FH: variants seen among roughly 807,000 people sequenced by gnomAD.
FH encodes the protein fumarate hydratase, mitochondrial.
FH carries 22 observed loss-of-function variants against 49.4 expected under a neutral mutation model. That is an observed-to-expected ratio of 0.45 (90% CI 0.32 to 0.64). The LOEUF is 0.64. Among genes scored for constraint, FH ranks in the 30% least tolerant of loss-of-function variants. The pLI is 0.05. For synonymous variants in FH, 208 were observed against 223.0 expected (o/e 0.93, Z 0.60); for missense variants, 526 against 641.5 (o/e 0.82, Z 1.95).
chr1:241,509,286 C>T (rs12062672), intron 4 of FH, among the ~76,000 whole-genome samples: 1 of 151,948 alleles, frequency 6.6e-6, no homozygotes, highest in Admixed American at 6.6e-5. Context: ...ACAGTGCATA[C>T]AGTCTTTCAT....
At chr1:241,510,822 A>AC (rs1269051590) in intron 4 of FH, among the ~76,000 whole-genome samples, 2 of 152,164 alleles carry the variant, frequency 1.3e-5, no homozygotes, top group Admixed American at 1.3e-4. Context: ...TTTCTAATGA[A>AC]CAGGGTATAG....
Position 241,519,592 on chromosome 1 carries a change from A to G in FH, c.131T>C (p.Met44Thr), listed in dbSNP as rs1296948655. Residue 44 changes from methionine to threonine, a missense_variant and splice_region_variant, in exon 1 of 10, where the codon ATG becomes ACG. By Grantham distance (81) the Met-to-Thr change is moderately conservative. Around this residue, in one of 2 missense-constraint regions of FH, gnomAD observed 143 missense variants for 127.5 expected, o/e 1.12. Transcript: ENST00000366560. ...CGGGGGATGGCGGCCTGCGCTCACC[A>G]TTCGAGCCGCGTTCGGAGGCCAAAA... is the stretch of plus-strand genomic sequence containing the variant. Reference protein sequence around the residue: ...PSFWPPNAARMASQNSFRIEY... With the variant: ...PSFWPPNAARTASQNSFRIEY... 1 of 1,547,234 alleles carries G rather than the reference A, an allele frequency of 6.5e-7. No individual in the cohort carries two copies. The highest frequency in any genetic ancestry group is 8.7e-7 in the Non-Finnish European group (1 of 1,146,244).
rs137943762 is a variant in FH at position 241,506,368 on chromosome 1, C to T, written c.739-200G>A. 0.017 allele frequency among the ~76,000 whole-genome samples: 2,622 copies of T among 152,134 alleles called. 46 individuals are homozygous for T. Among genetic ancestry groups the T allele is most frequent in the South Asian group, 0.031 (149 of 4,824 alleles). On this transcript the variant is annotated intron_variant, in intron 5 of 9. Coordinates refer to ENST00000366560, the MANE Select transcript of FH (RefSeq NM_000143.4). ...TGAGGGTTTATAGAACCATAAGGTA[C>T]GACAATGCCACTGATAACATGCAGC...
intron 3 of FH, among the ~76,000 whole-genome samples, chr1:241,512,873 C>CA (rs1660122013): frequency 6.6e-6 from 1 of 151,756 alleles, no homozygotes; most frequent in African/African-American, 2.4e-5. Context: ...TGACTATTAG[C>CA]ATGTTGGCAT....
In FH at chr1:241,519,518, G is replaced by A. The variant is rs968442984; in HGVS notation, c.132+73C>T. 1.0e-5 allele frequency: 15 copies of A among 1,492,402 alleles called. No individual in the cohort carries two copies. In the Admixed American group the frequency reaches 2.5e-4, roughly 25 times the overall value. 92.4% of individuals were successfully genotyped at this position (1,492,402 alleles called of 1,614,324 possible). On this transcript the variant is annotated intron_variant, in intron 1 of 9. Transcript: ENST00000366560. ...CGGGGAATCTCTCCCGCCAAGTCGC[G>A]GGCGCCCAGGCCGGCAGGCAGGAGG... is the stretch of plus-strand genomic sequence containing the variant.
Position 241,500,600 on chromosome 1 carries a change from A to AGT in FH, c.1237-12_1237-11dup. 2 of 1,587,324 alleles carry AGT rather than the reference A, an allele frequency of 1.3e-6. No homozygotes were observed. The highest frequency in any genetic ancestry group is 1.7e-6 in the Non-Finnish European group (2 of 1,170,958). ...GTAACACATTTTTAATCTTTGAGTG[A>AGT]GTGAGAGAGAGAGAGAGAGAGAGAG... On this transcript the variant is annotated splice_polypyrimidine_tract_variant and intron_variant, in intron 8 of 9. Coordinates refer to ENST00000366560, the MANE Select transcript of FH (RefSeq NM_000143.4).
rs1659988181 is a variant in FH, at chr1:241,508,600, T to C, written c.738+3A>G. 2.5e-6 allele frequency: 4 copies of C among 1,611,380 alleles called. No individual in the cohort carries two copies. Among genetic ancestry groups the C allele is most frequent in the Non-Finnish European group, 2.5e-6 (3 of 1,177,554 alleles). On this transcript the variant is annotated splice_donor_region_variant and intron_variant, in intron 5 of 9. Transcript: ENST00000366560. ...TTGAATCAAATTAGTCAAACTCCTA[T>C]ACCTGCCCAAGAGTAAGTGGAACAG... is the stretch of plus-strand genomic sequence containing the variant.
At chr1:241,501,000 G>C (rs1004206363) in intron 8 of FH, among the ~76,000 whole-genome samples, 1 of 152,190 alleles carries the variant, frequency 6.6e-6, no homozygotes, top group Non-Finnish European at 1.5e-5. Context: ...AGAAGGAAGA[G>C]GAGCAAAGAT....
chr1:241,503,162 T>C (rs937024150), intron 7 of FH, among the ~76,000 whole-genome samples: 21 of 152,236 alleles, frequency 1.4e-4, no homozygotes, highest in Admixed American at 1.3e-4. Context: ...GGAAAGATTA[T>C]TGGGTGGATT....
In FH at chr1:241,515,408, C is replaced by T. The variant is rs147218797; in HGVS notation, c.268-1695G>A. 3.1e-3 allele frequency among the ~76,000 whole-genome samples: 469 copies of T among 152,216 alleles called. 2 individuals are homozygous for T. The highest frequency in any genetic ancestry group is 0.017 in the Middle Eastern group (5 of 294). On this transcript the variant is annotated intron_variant, in intron 2 of 9. Coordinates refer to ENST00000366560, the MANE Select transcript of FH (RefSeq NM_000143.4). ...CAACACTAGCTGGGGCTGACCTCCT[C>T]CTTAGTCTCTGGAGTTGAATAATAT...
intron 7 of FH, 136 bp from the exon 8 acceptor site, chr1:241,502,706 A>G: frequency 1.9e-6 from 2 of 1,069,938 alleles, no homozygotes; most frequent in Non-Finnish European, 2.8e-6. Context: ...ATTTAATGAA[A>G]CAAACCAACC....
chr1:241,509,179 T>G (rs1442368935), intron 4 of FH, among the ~76,000 whole-genome samples: 1 of 151,488 alleles, frequency 6.6e-6, no homozygotes, highest in African/African-American at 2.4e-5. Flanking sequence ...CAGTAGTATC[T>G]TCAATGTAGT....
chr1:241,511,018 A>C (rs1471767942), intron 4 of FH, among the ~76,000 whole-genome samples: 1 of 152,218 alleles, frequency 6.6e-6, no homozygotes, highest in Non-Finnish European at 1.5e-5. Context: ...TCTAATGAGA[A>C]AACGTCAGAC....
intron 1 of FH, 148 bp from the exon 2 acceptor site, chr1:241,517,464 A>G: frequency 1.2e-6 from 1 of 847,606 alleles, no homozygotes; most frequent in Non-Finnish European, 1.8e-6. Context: ...TCTCTTCCTC[A>G]CTTTCAGGTC....
chr1:241,505,689 A>G (rs980055727), intron 6 of FH, among the ~76,000 whole-genome samples: 2 of 152,148 alleles, frequency 1.3e-5, no homozygotes, highest in Non-Finnish European at 2.9e-5. Flanking sequence ...CTTACTCAAC[A>G]CTCAGTTTTT....
intron 1 of FH, 65 bp from the exon 2 acceptor site, chr1:241,517,381 C>T (rs1261279089): frequency 6.4e-7 from 1 of 1,566,016 alleles, no homozygotes; most frequent in African/African-American, 1.4e-5. Flanking sequence ...GTAATCGCAT[C>T]TTATCAGCTG....
chr1:241,515,362 G>A (rs997122819), intron 2 of FH, among the ~76,000 whole-genome samples: 8 of 151,958 alleles, frequency 5.3e-5, no homozygotes, highest in African/African-American at 1.7e-4. Context: ...CAATGAAAAC[G>A]GCAGCCATGC....
At chr1:241,499,611 G>T (rs1407359681) in intron 9 of FH, among the ~76,000 whole-genome samples, 1 of 152,154 alleles carries the variant, frequency 6.6e-6, no homozygotes, top group East Asian at 1.9e-4. Flanking sequence ...AATTTGCCTT[G>T]AAAGTTCAAG....
chr1:241,509,401 A>T (rs1660019249), intron 4 of FH, among the ~76,000 whole-genome samples: 1 of 152,234 alleles, frequency 6.6e-6, no homozygotes, highest in Non-Finnish European at 1.5e-5. Flanking sequence ...CAAAATATTT[A>T]GCAACTGGCA....
Sources: allele counts gnomAD v4.1 joint callset (sites outside exome capture counted in the v4.1 genomes callset), GRCh38; gene constraint gnomAD v4.1.1; regional missense constraint gnomAD v4.1.1; transcripts MANE v1.5; gene names NCBI Gene and HGNC (gene_info 2026-07-23, HGNC 2026-07-21).